The following NAALADL2 variants were observed in gnomAD, a reference collection of about 807,000 sequenced individuals.
NAALADL2 encodes inactive N-acetylated-alpha-linked acidic dipeptidase-like protein 2.
In NAALADL2, 76 loss-of-function variants were observed where a neutral mutation model predicts 87.2. The observed-to-expected ratio is 0.87, with a 90% confidence interval of 0.72 to 1.05. The LOEUF is 1.05. NAALADL2 is among the 50% of genes least tolerant of loss of function. NAALADL2 has a pLI of 0.00. For missense variants in NAALADL2, 1,089 were observed against 945.8 expected, an observed-to-expected ratio of 1.15 and a Z score of -1.99; for synonymous variants, 354 against 331.0, an observed-to-expected ratio of 1.07 and a Z score of -0.75.
At chr3:175,158,000 T>G (rs917931317) in intron 2 of NAALADL2, among the ~76,000 whole-genome samples, 1 of 152,066 alleles carries the variant, frequency 6.6e-6, no homozygotes. Flanking sequence ...AGAAAAGACT[T>G]ATATAACTTT....
chr3:174,581,617 T>G (rs986068639), intron 2 of NAALADL2, among the ~76,000 whole-genome samples: 5 of 152,200 alleles, frequency 3.3e-5, no homozygotes, highest in Non-Finnish European at 5.9e-5. Flanking sequence ...TAAAGAGGTT[T>G]GAAAAATTCT....
chr3:175,577,001 A>G (rs1001032537), intron 10 of NAALADL2, among the ~76,000 whole-genome samples: 3 of 152,160 alleles, frequency 2.0e-5, no homozygotes, highest in African/African-American at 7.2e-5. Context: ...TTAGATATGC[A>G]ATATCTTAAT....
chr3:175,080,791 A>G (rs960946379), intron 1 of NAALADL2, among the ~76,000 whole-genome samples: 4 of 152,250 alleles, frequency 2.6e-5, no homozygotes, highest in African/African-American at 4.8e-5. Context: ...TCTTCTATGC[A>G]GTAAATCTGC....
intron 9 of NAALADL2, among the ~76,000 whole-genome samples, chr3:175,491,724 C>T (rs987706586): frequency 3.3e-5 from 5 of 152,092 alleles, no homozygotes; most frequent in African/African-American, 7.2e-5. Flanking sequence ...CACCCTGCCA[C>T]GCTACACATG....
chr3:175,153,278 G>A (rs965927468), intron 2 of NAALADL2, among the ~76,000 whole-genome samples: 4 of 152,134 alleles, frequency 2.6e-5, no homozygotes, highest in African/African-American at 7.2e-5. Context: ...TCCAGCTGCT[G>A]TTGCTTTTCT....
rs180858316 is a variant in NAALADL2, at chr3:175,552,064, T to C, written c.1654-23977T>C. ...ATTTCTTGGCTTAAACCTATGTGTATATATAAAATATGTAAGTATGTAAAG... is the reference window on the plus strand; with the variant it reads ...ATTTCTTGGCTTAAACCTATGTGTACATATAAAATATGTAAGTATGTAAAG... On this transcript the variant is annotated intron_variant, in intron 9 of 13. Transcript: ENST00000454872. Among the ~76,000 whole-genome samples, 133 of 152,276 alleles carry C rather than the reference T, an allele frequency of 8.7e-4. 1 individual carries two copies. The highest frequency in any genetic ancestry group is 3.1e-3 in the African/African-American group (128 of 41,556).
chr3:174,905,398 A>G lies in NAALADL2; in HGVS notation c.43+45948A>G, dbSNP rs188323337. Among the ~76,000 whole-genome samples the G allele has an allele frequency of 2.9e-3, 437 of 152,072 alleles. 5 individuals carry two copies. Among genetic ancestry groups the G allele is most frequent in the African/African-American group, 0.01 (424 of 41,498 alleles). On this transcript the variant is annotated intron_variant, in intron 1 of 13. Coordinates refer to ENST00000454872, the MANE Select transcript of NAALADL2 (RefSeq NM_207015.3). Reference sequence around the variant, plus strand: ...AAATAGTTACAATTAAGAATTTTATAAAGTTGATCATAAGTTTCACAATTC... The same window carrying G: ...AAATAGTTACAATTAAGAATTTTATGAAGTTGATCATAAGTTTCACAATTC...
intron 4 of NAALADL2, among the ~76,000 whole-genome samples, chr3:175,271,678 G>A (rs1752862291): frequency 6.6e-6 from 1 of 152,158 alleles, no homozygotes; most frequent in South Asian, 2.1e-4. Context: ...TGTAATCCCA[G>A]CTACTCAGGA....
intron 1 of NAALADL2, among the ~76,000 whole-genome samples, chr3:174,931,977 A>T (rs1736965347): frequency 6.6e-6 from 1 of 152,184 alleles, no homozygotes; most frequent in Non-Finnish European, 1.5e-5. Flanking sequence ...TAACTTCAAC[A>T]ATTTTTATGT....
At chr3:174,683,451 A>T (rs1450489462) in intron 2 of NAALADL2, among the ~76,000 whole-genome samples, 1 of 152,186 alleles carries the variant, frequency 6.6e-6, no homozygotes, top group African/African-American at 2.4e-5. Context: ...CTTTATTTAA[A>T]AACTGTATAT....
At chr3:174,609,282 C>G (rs147910054) in intron 2 of NAALADL2, among the ~76,000 whole-genome samples, 86,658 of 151,800 alleles carry the variant, frequency 0.57, 25,754 homozygotes, top group African/African-American at 0.67. Flanking sequence ...CTCACCACTC[C>G]TATTCAACAT....
intron 9 of NAALADL2, among the ~76,000 whole-genome samples, chr3:175,548,452 A>G (rs1713759928): frequency 6.6e-6 from 1 of 152,020 alleles, no homozygotes; most frequent in Non-Finnish European, 1.5e-5. Flanking sequence ...ACTAATGGGT[A>G]CCAGGCTTAA....
chr3:174,654,235 G>T (rs1180776281), intron 2 of NAALADL2, among the ~76,000 whole-genome samples: 2 of 152,038 alleles, frequency 1.3e-5, no homozygotes, highest in Non-Finnish European at 1.5e-5. Context: ...TTTTGTTAAG[G>T]TCTGAGTGTG....
intron 1 of NAALADL2, among the ~76,000 whole-genome samples, chr3:174,923,653 C>T (rs556745999): frequency 6.6e-6 from 1 of 152,092 alleles, no homozygotes; most frequent in Non-Finnish European, 1.5e-5. Flanking sequence ...TCTTACCACA[C>T]ATCTAGATGC....
At position 175,077,682 on chromosome 3, in the gene NAALADL2, G is replaced by A. The variant is rs367989160; in HGVS notation, c.44-19108G>A. ...ATCATAAATATACTATAAATGGCAT[G>A]TGAATATTTACTAATAGAGGCAGCT... On this transcript the variant is annotated intron_variant, in intron 1 of 13. Coordinates refer to ENST00000454872, the MANE Select transcript of NAALADL2 (RefSeq NM_207015.3). Among the ~76,000 whole-genome samples, 7 of 152,200 alleles carry A rather than the reference G, an allele frequency of 4.6e-5. No individual in the cohort carries two copies. In the East Asian group the frequency reaches 1.2e-3, roughly 25 times the overall value.
intron 2 of NAALADL2, among the ~76,000 whole-genome samples, chr3:174,559,233 CAATT>C (rs1291839257): frequency 1.3e-5 from 2 of 152,072 alleles, no homozygotes; most frequent in Admixed American, 6.5e-5. Context: ...GTTTCTCAAA[CAATT>C]AATAGGGACT....
At chr3:175,387,680 T>C (rs547774349) in intron 5 of NAALADL2, among the ~76,000 whole-genome samples, 1 of 152,064 alleles carries the variant, frequency 6.6e-6, no homozygotes, top group Non-Finnish European at 1.5e-5. Context: ...ACTAAAAGAA[T>C]GATTTGTGTT....
intron 12 of NAALADL2, among the ~76,000 whole-genome samples, chr3:175,748,525 T>C (rs1437928465): frequency 6.6e-6 from 1 of 152,238 alleles, no homozygotes; most frequent in Non-Finnish European, 1.5e-5. Context: ...TAAGCTATGA[T>C]TGTGCAATTG....
Position 175,189,419 on chromosome 3 carries a change from G to A in NAALADL2, c.546-44512G>A, listed in dbSNP as rs1052817850. On this transcript the variant is annotated intron_variant, in intron 2 of 13. Transcript: ENST00000454872. ...CAAAATCAATGTACACAAATCAGTA[G>A]CATTCCCTACACAAATATTGACATA... Among the ~76,000 whole-genome samples the A allele has an allele frequency of 2.0e-5, 3 of 152,062 alleles. 1 individual carries two copies. The South Asian group carries it at 6.2e-4, about 32-fold the overall frequency.
Sources: allele counts gnomAD v4.1 joint callset (sites outside exome capture counted in the v4.1 genomes callset), GRCh38; gene constraint gnomAD v4.1.1; transcripts MANE v1.5; gene names NCBI Gene and HGNC (gene_info 2026-07-23, HGNC 2026-07-21).